The following NAV3 variants were observed in gnomAD, a reference collection of about 807,000 sequenced individuals.
NAV3 encodes pore membrane and/or filament interacting like protein 1.
Under a neutral mutation model 244.7 loss-of-function variants are expected in NAV3, and 87 were observed. The observed-to-expected ratio is 0.36, with a 90% CI of 0.30 to 0.42. The LOEUF (loss-of-function observed/expected upper bound fraction) is 0.42, where lower values mean the gene tolerates loss of function less well. Ranked by LOEUF, NAV3 falls within the 20% of genes least tolerant of loss-of-function variation. The pLI, the probability that NAV3 is intolerant of heterozygous loss-of-function variation, is 1.00. For synonymous variants in NAV3, 1,126 were observed against 1,042.2 expected (o/e 1.08, Z -1.55); for missense variants, 2,663 against 2,893.3 (o/e 0.92, Z 1.83).
chr12:77,710,717 G>C (rs1351868072), intron 2 of NAV3, among the ~76,000 whole-genome samples: 1 of 152,092 alleles, frequency 6.6e-6, no homozygotes, highest in Non-Finnish European at 1.5e-5. Context: ...TGAGTACTTT[G>C]TTTCTGCTGT....
At chr12:77,736,885 C>T (rs1877358445) in intron 2 of NAV3, among the ~76,000 whole-genome samples, 1 of 152,118 alleles carries the variant, frequency 6.6e-6, no homozygotes, top group African/African-American at 2.4e-5. Flanking sequence ...TTGGGCAGCA[C>T]TGTGGAGAAT....
At chr12:78,082,535 A>G (rs893863313) in intron 12 of NAV3, among the ~76,000 whole-genome samples, 3 of 152,122 alleles carry the variant, frequency 2.0e-5, no homozygotes, top group African/African-American at 7.2e-5. Flanking sequence ...CACGCTGTGT[A>G]TGATTTCTGT....
At chr12:77,709,483 GA>G (rs1876000220) in intron 2 of NAV3, among the ~76,000 whole-genome samples, 1 of 152,130 alleles carries the variant, frequency 6.6e-6, no homozygotes, top group Non-Finnish European at 1.5e-5. Flanking sequence ...AGAGTAAAAG[GA>G]AAACATTCTG....
chr12:77,668,086 A>G (rs1873800187), intron 2 of NAV3, among the ~76,000 whole-genome samples: 1 of 152,166 alleles, frequency 6.6e-6, no homozygotes, highest in African/African-American at 2.4e-5. Context: ...TCTAGGGGAA[A>G]GGGGAGACCA....
intron 1 of NAV3, among the ~76,000 whole-genome samples, chr12:77,875,585 G>A (rs1881729744): frequency 6.6e-6 from 1 of 151,908 alleles, no homozygotes; most frequent in Non-Finnish European, 1.5e-5. Flanking sequence ...ATGAATTTAT[G>A]AATGTATGAA....
At chr12:77,850,384 T>C (rs184015051) in intron 1 of NAV3, among the ~76,000 whole-genome samples, 51 of 152,346 alleles carry the variant, frequency 3.3e-4, no homozygotes, top group Non-Finnish European at 6.5e-4. Flanking sequence ...CGTTGCAGTA[T>C]AGTAAATCAG....
At chr12:78,099,436 G>C (rs1954428691) in intron 12 of NAV3, among the ~76,000 whole-genome samples, 1 of 151,622 alleles carries the variant, frequency 6.6e-6, no homozygotes, top group South Asian at 2.1e-4. Context: ...GCTAATGGTG[G>C]TTACTTCTGG....
At chr12:78,079,555 C>T (rs959751147) in intron 12 of NAV3, among the ~76,000 whole-genome samples, 1 of 152,172 alleles carries the variant, frequency 6.6e-6, no homozygotes, top group African/African-American at 2.4e-5. Flanking sequence ...AGATAGCACA[C>T]CATAAGTATA....
intron 2 of NAV3, among the ~76,000 whole-genome samples, chr12:77,810,371 C>T (rs568923225): frequency 6.6e-6 from 1 of 152,264 alleles, no homozygotes; most frequent in South Asian, 2.1e-4. Context: ...TGGGGTTTCA[C>T]TGTGTTAGCC....
intron 2 of NAV3, among the ~76,000 whole-genome samples, chr12:77,600,357 C>T (rs952618801): frequency 6.6e-6 from 1 of 151,840 alleles, no homozygotes; most frequent in African/African-American, 2.4e-5. Flanking sequence ...CATCTCAACT[C>T]TCTCTCTTAC....
At chr12:77,579,329 G>A (rs562755270) in intron 2 of NAV3, among the ~76,000 whole-genome samples, 1 of 152,298 alleles carries the variant, frequency 6.6e-6, no homozygotes, top group South Asian at 2.1e-4. Context: ...GAAAAGAAGT[G>A]GTGGTGCCCA....
intron 34 of NAV3, among the ~76,000 whole-genome samples, 189 bp downstream of exon 34, chr12:78,190,408 G>A (rs1290267857): frequency 6.6e-6 from 1 of 151,860 alleles, no homozygotes. Context: ...ACTATTTTCA[G>A]TAACATTCAG....
At chr12:77,704,368 ATAT>A (rs534259094) in intron 2 of NAV3, among the ~76,000 whole-genome samples, 339 of 152,290 alleles carry the variant, frequency 2.2e-3, no homozygotes, top group Non-Finnish European at 3.6e-3. Flanking sequence ...AGTTTTTAAG[ATAT>A]TATTAACAGA....
chr12:77,872,621 A>T (rs1881143791), intron 1 of NAV3, among the ~76,000 whole-genome samples: 1 of 152,168 alleles, frequency 6.6e-6, no homozygotes, highest in African/African-American at 2.4e-5. Context: ...GAATCAAGGA[A>T]ATGTCTAAGA....
chr12:78,027,265 G>A (rs1472774987), intron 9 of NAV3, among the ~76,000 whole-genome samples: 1 of 150,998 alleles, frequency 6.6e-6, no homozygotes, highest in African/African-American at 2.4e-5. Flanking sequence ...GTGAGACCCT[G>A]TCTCTAAAAA....
At chr12:77,738,677 G>GA (rs543516859) in intron 2 of NAV3, among the ~76,000 whole-genome samples, 84 of 152,184 alleles carry the variant, frequency 5.5e-4, no homozygotes, top group African/African-American at 1.9e-3. Flanking sequence ...AGTTACTTGG[G>GA]AAAAAATGTA....
intron 38 of NAV3, among the ~76,000 whole-genome samples, chr12:78,201,569 T>C (rs1160421533): frequency 6.6e-6 from 1 of 152,060 alleles, no homozygotes; most frequent in Non-Finnish European, 1.5e-5. Context: ...TGAAAATGTA[T>C]CACTAAAAAA....
chr12:77,922,102 G>A (rs1279180682), intron 1 of NAV3, among the ~76,000 whole-genome samples: 2 of 152,142 alleles, frequency 1.3e-5, no homozygotes, highest in African/African-American at 4.8e-5. Context: ...CTGGTCATAT[G>A]CGTAGCAGAA....
At chr12:78,091,212 GT>G (rs1015954332) in intron 12 of NAV3, among the ~76,000 whole-genome samples, 100 of 152,210 alleles carry the variant, frequency 6.6e-4, no homozygotes, top group African/African-American at 2.2e-3. Context: ...TTCTATTGAT[GT>G]TTTGGGATTG....
Sources: allele counts gnomAD v4.1 joint callset (sites outside exome capture counted in the v4.1 genomes callset), GRCh38; gene constraint gnomAD v4.1.1; transcripts MANE v1.5; gene names NCBI Gene and HGNC (gene_info 2026-07-23, HGNC 2026-07-21).